The following DDX11 variants were observed in gnomAD, a reference collection of about 807,000 sequenced individuals.
DDX11 encodes DEAD/H-box helicase 11.
A neutral mutation model predicts 125.2 loss-of-function variants in DDX11; 72 were observed. The observed-to-expected ratio is 0.58, with a 90% CI of 0.48 to 0.70. The LOEUF (loss-of-function observed/expected upper bound fraction) is 0.70, where lower values mean the gene tolerates loss of function less well. Ranked by LOEUF, DDX11 falls within the 30% of genes least tolerant of loss-of-function variation. The probability of loss-of-function intolerance (pLI) is 0.00; values close to 1 mark genes in which losing one functional copy is unlikely to be tolerated. For synonymous variants in DDX11, 347 were observed against 452.6 expected (o/e 0.77, Z 2.96); for missense variants, 883 against 1,165.0 (o/e 0.76, Z 3.52).
At position 31,103,904 on chromosome 12, in the gene DDX11, C is replaced by T. The variant is rs976543256; in HGVS notation, c.*68C>T. ...CCTGCCCGCTGGAGACAGTGTTTGT[C>T]GTGGGCGTGGTCTGCGGGGATCCTG... On this transcript the variant is annotated 3_prime_UTR_variant, in exon 27 of 27. Transcript: ENST00000542838. 2.6e-5 allele frequency: 42 copies of T among 1,613,782 alleles called. No individual in the cohort carries two copies. The highest frequency in any genetic ancestry group is 2.3e-4 in the Admixed American group (14 of 59,996).
At position 31,102,309 on chromosome 12, in the gene DDX11, C is replaced by G. The variant is rs1474328249; in HGVS notation, c.2269C>G (p.Gln757Glu). The change falls in exon 22 of 27, where the codon CAG (glutamine) becomes GAG (glutamate). Residue 757 changes from glutamine to glutamate, a missense_variant and splice_region_variant. Physicochemically the swap from Gln to Glu is conservative, Grantham distance 29. This residue lies in a region of DDX11 where 285 missense variants were observed against 346.0 expected (regional missense o/e 0.82). Coordinates refer to ENST00000542838, the MANE Select transcript of DDX11 (RefSeq NM_030653.4). Reference protein sequence around the residue: ...QVLLAYSRCIQACGQERGQVT... With the variant: ...QVLLAYSRCIEACGQERGQVT... The stretch of plus-strand genomic sequence containing the variant: ...GCTGCTGGCATATTCCAGGTGCATC[C>G]AGGTGCGGGCGTCATGCTGGGCTTG... 6.2e-7 allele frequency: 1 copy of G among 1,613,970 alleles called. No individual in the cohort carries two copies. The highest frequency in any genetic ancestry group is 8.5e-7 in the Non-Finnish European group (1 of 1,179,918).
chr12:31,076,962 A>G, intron 1 of DDX11: 1 of 153,726 alleles, frequency 6.5e-6, no homozygotes, highest in South Asian at 2.0e-4. Context: ...AAATCCATAA[A>G]CTGCCACCAA....
rs1274330146 is a variant in DDX11, at chr12:31,087,572, C to T, written c.639-366C>T. The T allele has an allele frequency of 1.1e-4, 39 of 355,542 alleles. 1 individual carries two copies. The highest frequency in any genetic ancestry group is 7.1e-4 in the South Asian group (31 of 43,954). 22.0% of individuals were successfully genotyped at this position (355,542 alleles called of 1,614,324 possible). ...GACAACATTCCAGGCACAGAACATC[C>T]GAAGGCCTGAGATGATGAAGAGCAA... On this transcript the variant is annotated intron_variant, in intron 5 of 26. Coordinates refer to ENST00000542838, the MANE Select transcript of DDX11 (RefSeq NM_030653.4).
rs772482042 is a variant in DDX11, at chr12:31,101,976, G to A, written c.2196G>A (p.Arg732=). The change falls in exon 21 of 27, where the codon AGG becomes AGA. Residue 732 remains arginine, a synonymous_variant. Transcript: ENST00000542838. ...GCCTGCTGGGCCGTCTGGCTGCCAGGAAGAAGGTGAGTGGCCTGTCGGCAG... is the reference window on the plus strand; with the variant it reads ...GCCTGCTGGGCCGTCTGGCTGCCAGAAAGAAGGTGAGTGGCCTGTCGGCAG... ...KGGLLGRLAA[R]KKIFQEPKSA... is the part of the protein sequence containing the mutation. 3.7e-6 allele frequency: 6 copies of A among 1,612,064 alleles called. No individual in the cohort carries two copies. The highest frequency in any genetic ancestry group is 2.5e-6 in the Non-Finnish European group (3 of 1,179,376).
rs779058797 is a variant in DDX11 at position 31,101,026 on chromosome 12, G to A, written c.1949-1G>A. 55 of 1,613,496 alleles carry A rather than the reference G, an allele frequency of 3.4e-5. No individual in the cohort carries two copies. The highest frequency in any genetic ancestry group is 4.4e-5 in the Non-Finnish European group (52 of 1,179,530). On this transcript the variant is annotated splice_acceptor_variant, in intron 19 of 26. Transcript: ENST00000542838. LOFTEE classifies it high-confidence loss of function. Reference sequence around the variant, plus strand: ...TTCGGCCCCTCCCTGGCTCTTACCAGGTCACGTGATCCCTCCAGACAACAT... The same window carrying A: ...TTCGGCCCCTCCCTGGCTCTTACCAAGTCACGTGATCCCTCCAGACAACAT...
chr12:31,095,055 A>G (rs754571004), intron 14 of DDX11, among the ~76,000 whole-genome samples: 8 of 152,222 alleles, frequency 5.3e-5, no homozygotes, highest in Non-Finnish European at 7.3e-5. Context: ...TAGAACAGAT[A>G]GAGACTCCAG....
intron 6 of DDX11, 69 bp from the exon 7 acceptor site, chr12:31,088,975 C>T: frequency 7.5e-7 from 1 of 1,326,658 alleles, no homozygotes; most frequent in Non-Finnish European, 1.1e-6. Context: ...CCTGGCGTGC[C>T]TTGATGTTAG....
intron 14 of DDX11, among the ~76,000 whole-genome samples, chr12:31,095,529 C>CT (rs904294565): frequency 5.9e-5 from 9 of 152,208 alleles, no homozygotes; most frequent in South Asian, 2.1e-4. Context: ...TCCTGCCTGC[C>CT]TTTTTTTTCT....
At chr12:31,099,034 C>A (rs1055062809) in intron 18 of DDX11, among the ~76,000 whole-genome samples, 1 of 142,920 alleles carries the variant, frequency 7.0e-6, no homozygotes, top group South Asian at 2.2e-4. Flanking sequence ...GTAGACAGAT[C>A]TAGGAAATGT....
At position 31,103,625 on chromosome 12, in the gene DDX11, A is replaced by G. The variant is rs1946799400; in HGVS notation, c.2585A>G (p.Asp862Gly). The G allele has an allele frequency of 6.2e-7, 1 of 1,613,982 alleles. No homozygotes were observed. Among genetic ancestry groups the G allele is most frequent in the East Asian group, 2.2e-5 (1 of 44,872 alleles). The stretch of plus-strand genomic sequence containing the variant: ...GATTTTGCCAGCGTAGTGCTCCTGG[A>G]CCAGCGATATGCCCGGCCCCCTGTC... The part of the protein sequence containing the change: ...QKDFASVVLL[D>G]QRYARPPVLA... Residue 862 changes from aspartate (D) to glycine (G), a missense_variant, in exon 26 of 27, where the codon GAC becomes GGC. Asp to Gly is a moderately conservative substitution (Grantham distance 94). Coordinates refer to ENST00000542838, the MANE Select transcript of DDX11 (RefSeq NM_030653.4).
chr12:31,078,689 CTT>C (rs35973448), intron 2 of DDX11, 152 bp downstream of exon 2: 15,070 of 817,704 alleles, frequency 0.018, no homozygotes, highest in Non-Finnish European at 0.02. Flanking sequence ...CTATTAAAGT[CTT>C]TTTTTTTTTT....
chr12:31,083,312 T>TTAAAAAAA (rs1555209754), intron 2 of DDX11, among the ~76,000 whole-genome samples: 1 of 128,938 alleles, frequency 7.8e-6, no homozygotes, highest in South Asian at 2.7e-4. Context: ...TTAGTTTGCT[T>TTAAAAAAA]AAAAAAAAAA....
intron 2 of DDX11, among the ~76,000 whole-genome samples, chr12:31,081,607 TAGGGGC>T (rs892885444): frequency 6.6e-6 from 1 of 151,644 alleles, no homozygotes; most frequent in African/African-American, 2.4e-5. Flanking sequence ...GAGCATTTTC[TAGGGGC>T]TCTGCACCTT....
intron 2 of DDX11, among the ~76,000 whole-genome samples, chr12:31,079,976 A>G (rs547887684): frequency 6.8e-6 from 1 of 147,618 alleles, no homozygotes; most frequent in South Asian, 2.2e-4. Context: ...AGATTTCAGC[A>G]TGAGTGTTAA....
chr12:31,080,118 C>A, intron 2 of DDX11, among the ~76,000 whole-genome samples: 1 of 139,490 alleles, frequency 7.2e-6, no homozygotes, highest in Non-Finnish European at 1.5e-5. Flanking sequence ...GTCTGCAGGG[C>A]ACTGGCTGTG....
chr12:31,083,028 C>G (rs1258813519), intron 2 of DDX11, among the ~76,000 whole-genome samples: 3 of 152,176 alleles, frequency 2.0e-5, no homozygotes, highest in Non-Finnish European at 4.4e-5. Flanking sequence ...TGCGACAGTC[C>G]TATTTCCAGA....
chr12:31,090,211 G>A, intron 9 of DDX11, 117 bp downstream of exon 9: 1 of 863,258 alleles, frequency 1.2e-6, no homozygotes, highest in South Asian at 1.5e-5. Flanking sequence ...TCAGGTTGAT[G>A]GCACCTTAAC....
chr12:31,078,190 G>A (rs903543463), intron 1 of DDX11, 200 bp from the exon 2 acceptor site: 8 of 1,514,190 alleles, frequency 5.3e-6, no homozygotes, highest in African/African-American at 2.8e-5. Flanking sequence ...GTTAAATGCC[G>A]CTAGATGGAG....
chr12:31,079,991 G>C (rs1417304446), intron 2 of DDX11, among the ~76,000 whole-genome samples: 3 of 144,278 alleles, frequency 2.1e-5, no homozygotes, highest in Non-Finnish European at 4.5e-5. Flanking sequence ...TGTTAATGGG[G>C]ACAGACGGCC....
Sources: allele counts gnomAD v4.1 joint callset (sites outside exome capture counted in the v4.1 genomes callset), GRCh38; gene constraint gnomAD v4.1.1; regional missense constraint gnomAD v4.1.1; transcripts MANE v1.5; gene names NCBI Gene and HGNC (gene_info 2026-07-23, HGNC 2026-07-21).